MPP7: variants seen among roughly 807,000 people sequenced by gnomAD.
The protein encoded by MPP7 is MAGUK p55 subfamily member 7.
A neutral mutation model predicts 76.5 loss-of-function variants in MPP7; 60 were observed. That is an observed-to-expected ratio of 0.78 (90% CI 0.64 to 0.97). MPP7 has a LOEUF of 0.97. Among genes scored for constraint, MPP7 ranks in the 50% least tolerant of loss-of-function variants. The pLI is 0.00. For synonymous variants in MPP7, 237 were observed against 244.5 expected, an observed-to-expected ratio of 0.97 and a Z score of 0.29; for missense variants, 641 against 694.0, an observed-to-expected ratio of 0.92 and a Z score of 0.86.
intron 2 of MPP7, among the ~76,000 whole-genome samples, chr10:28,216,244 G>A (rs1016145960): frequency 6.6e-6 from 1 of 151,974 alleles, no homozygotes; most frequent in Non-Finnish European, 1.5e-5. Flanking sequence ...CTGAGCCCAG[G>A]ATTTGAGGCT....
At chr10:28,246,465 G>T (rs1382249587) in intron 1 of MPP7, among the ~76,000 whole-genome samples, 1 of 152,146 alleles carries the variant, frequency 6.6e-6, no homozygotes, top group East Asian at 1.9e-4. Context: ...AAGTCTAAAT[G>T]AAAGAACGCT....
chr10:28,151,717 A>C (rs1835889524), intron 3 of MPP7, among the ~76,000 whole-genome samples: 1 of 152,204 alleles, frequency 6.6e-6, no homozygotes, highest in Non-Finnish European at 1.5e-5. Flanking sequence ...TTTACAGATA[A>C]ATAGGAGTTA....
At chr10:28,314,601 G>A (rs1424028600) in intron 2 of MPP7, among the ~76,000 whole-genome samples, 1 of 152,192 alleles carries the variant, frequency 6.6e-6, no homozygotes, top group African/African-American at 2.4e-5. Context: ...GAAGAAGCAT[G>A]TTCAGTAAGA....
chr10:28,121,889 A>G (rs1361913714), intron 8 of MPP7, among the ~76,000 whole-genome samples: 1 of 152,078 alleles, frequency 6.6e-6, no homozygotes, highest in African/African-American at 2.4e-5. Flanking sequence ...GTCAATTTCA[A>G]TTCACCAGCA....
intron 5 of MPP7, among the ~76,000 whole-genome samples, chr10:28,144,067 T>A (rs1835623859): frequency 6.6e-6 from 1 of 152,130 alleles, no homozygotes; most frequent in South Asian, 2.1e-4. Context: ...TTTTGTATCT[T>A]TAGTAGAGAT....
intron 2 of MPP7, among the ~76,000 whole-genome samples, chr10:28,212,297 C>A (rs1346181483): frequency 1.3e-5 from 2 of 152,020 alleles, no homozygotes; most frequent in Non-Finnish European, 2.9e-5. Context: ...GAGAACTACA[C>A]AAGTTCAGGT....
intron 5 of MPP7, among the ~76,000 whole-genome samples, chr10:28,145,528 G>T (rs1363586033): frequency 2.0e-5 from 3 of 152,136 alleles, no homozygotes; most frequent in Non-Finnish European, 1.5e-5. Context: ...TTATTTGGGG[G>T]CTTAACTTGT....
chr10:28,074,482 G>A (rs1852394032), intron 12 of MPP7, among the ~76,000 whole-genome samples: 1 of 152,032 alleles, frequency 6.6e-6, no homozygotes, highest in Admixed American at 6.6e-5. Flanking sequence ...AATTTTAGTA[G>A]AGGCAGGGTT....
At chr10:28,320,252 G>C (rs117761363) in intron 2 of MPP7, among the ~76,000 whole-genome samples, 8,838 of 152,190 alleles carry the variant, frequency 0.058, 327 homozygotes, top group Non-Finnish European at 0.08. Context: ...AAAGGTTTGA[G>C]GCAGCAATGA....
chr10:28,307,692 C>T (rs1160751444), upstream of MPP7: 1 of 152,152 alleles, frequency 6.6e-6, no homozygotes, highest in Non-Finnish European at 1.5e-5. Context: ...AATGTAAATG[C>T]CATTGATCAA....
intron 1 of MPP7, among the ~76,000 whole-genome samples, chr10:28,281,074 T>TC (rs1433656066): frequency 6.6e-6 from 1 of 151,792 alleles, no homozygotes; most frequent in African/African-American, 2.4e-5. Flanking sequence ...GGTCATTTCT[T>TC]CTTTTTTTTT....
intron 12 of MPP7, among the ~76,000 whole-genome samples, chr10:28,084,425 A>T (rs1450207305): frequency 6.6e-6 from 1 of 152,214 alleles, no homozygotes; most frequent in Non-Finnish European, 1.5e-5. Flanking sequence ...TACCCTAATT[A>T]ATCAGGCCAG....
chr10:28,310,191 G>A (rs564245802), intron 2 of MPP7, among the ~76,000 whole-genome samples: 5 of 151,980 alleles, frequency 3.3e-5, no homozygotes, highest in African/African-American at 7.2e-5. Context: ...TGGTAGAGAC[G>A]GGGTTTCACC....
intron 12 of MPP7, among the ~76,000 whole-genome samples, chr10:28,086,532 G>A (rs1045844225): frequency 6.6e-6 from 1 of 152,182 alleles, no homozygotes; most frequent in African/African-American, 2.4e-5. Flanking sequence ...GACAGGAGAA[G>A]CGAAAATACC....
At chr10:28,327,875 A>T (rs1206876221) in intron 2 of MPP7, among the ~76,000 whole-genome samples, 1 of 152,240 alleles carries the variant, frequency 6.6e-6, no homozygotes, top group Non-Finnish European at 1.5e-5. Context: ...CTCGGATAAT[A>T]ACTCCTTAAA....
At chr10:28,302,017 C>T (rs1179859096) in intron 1 of MPP7, among the ~76,000 whole-genome samples, 1 of 152,176 alleles carries the variant, frequency 6.6e-6, no homozygotes, top group Non-Finnish European at 1.5e-5. Context: ...AGGTGCATCC[C>T]CAAAGCCTCG....
intron 1 of MPP7, among the ~76,000 whole-genome samples, chr10:28,257,044 A>G (rs2132897758): frequency 6.6e-6 from 1 of 152,282 alleles, no homozygotes; most frequent in Non-Finnish European, 1.5e-5. Context: ...CAGAAAGGAG[A>G]AAGATAGTTC....
At chr10:28,193,480 G>A (rs1313571956) in intron 3 of MPP7, among the ~76,000 whole-genome samples, 1 of 152,042 alleles carries the variant, frequency 6.6e-6, no homozygotes, top group Non-Finnish European at 1.5e-5. Context: ...CAAAGTGCCG[G>A]GATTACAGGC....
chr10:28,093,034 G>A (rs547351424), intron 11 of MPP7, among the ~76,000 whole-genome samples: 17 of 152,092 alleles, frequency 1.1e-4, no homozygotes, highest in African/African-American at 3.6e-4. Flanking sequence ...ACTCTGTCAC[G>A]GATGTGTGCT....
Sources: gnomAD v4.1 joint callset for allele counts (sites outside exome capture counted in the v4.1 genomes callset) on GRCh38, gnomAD v4.1.1 for gene constraint, MANE v1.5 for transcripts, NCBI Gene and HGNC (gene_info 2026-07-23, HGNC 2026-07-21) for gene names.